Variants in GALNT13 observed in about 807,000 individuals in gnomAD.
GALNT13 encodes polypeptide N-acetylgalactosaminyltransferase 13, also known as UDP-GalNAc:polypeptide N-acetylgalactosaminyltransferase 13.
GALNT13 carries 28 observed loss-of-function variants against 64.2 expected under a neutral mutation model. That is an observed-to-expected ratio of 0.44 (90% CI 0.32 to 0.60). The LOEUF (loss-of-function observed/expected upper bound fraction) is 0.60, where lower values mean the gene tolerates loss of function less well. GALNT13 is among the 20% of genes least tolerant of loss of function. The pLI is 0.05. For missense variants in GALNT13, 577 were observed against 669.8 expected (o/e 0.86, Z 1.53); for synonymous variants, 214 against 224.6 (o/e 0.95, Z 0.42).
At chr2:153,841,676 A>G in the GALNT13 span, among the ~76,000 whole-genome samples, 1 of 152,162 alleles carries the variant, frequency 6.6e-6, no homozygotes, top group Admixed American at 6.6e-5. Flanking sequence ...CCCTACTCTC[A>G]TAATATTTAT....
the GALNT13 span, among the ~76,000 whole-genome samples, chr2:153,175,562 A>T: frequency 1.3e-5 from 2 of 152,154 alleles, no homozygotes; most frequent in Non-Finnish European, 2.9e-5. Context: ...AATGATTTGT[A>T]ATAATTTAAT....
At chr2:153,637,820 T>A in the GALNT13 span, among the ~76,000 whole-genome samples, 2 of 152,194 alleles carry the variant, frequency 1.3e-5, no homozygotes, top group Admixed American at 6.6e-5. Flanking sequence ...TCAAGTGTTG[T>A]AGAATCTCAC....
chr2:153,903,686 A>G (rs1216331434), intron 2 of GALNT13, among the ~76,000 whole-genome samples: 2 of 151,938 alleles, frequency 1.3e-5, no homozygotes, highest in Non-Finnish European at 2.9e-5. Context: ...GGTAGCAGCG[A>G]ATTTTAAATA....
At chr2:153,781,460 T>C in the GALNT13 span, among the ~76,000 whole-genome samples, 1 of 152,164 alleles carries the variant, frequency 6.6e-6, no homozygotes, top group African/African-American at 2.4e-5. Flanking sequence ...ATTTTCTTTC[T>C]AGTTGAGATG....
At chr2:153,976,961 C>T (rs946548495) in intron 3 of GALNT13, among the ~76,000 whole-genome samples, 82 of 152,046 alleles carry the variant, frequency 5.4e-4, no homozygotes, top group Admixed American at 2.4e-3. Flanking sequence ...ACTATACCTC[C>T]TCTAATAATA....
the GALNT13 span, among the ~76,000 whole-genome samples, chr2:153,431,806 T>C: frequency 2.0e-5 from 3 of 152,212 alleles, no homozygotes; most frequent in African/African-American, 7.2e-5. Flanking sequence ...TAAAAAGTAA[T>C]CAGTTACATG....
At chr2:153,459,192 A>T in the GALNT13 span, among the ~76,000 whole-genome samples, 4 of 152,226 alleles carry the variant, frequency 2.6e-5, no homozygotes, top group African/African-American at 9.6e-5. Flanking sequence ...ATATGTTGAA[A>T]AGAAAAACAG....
At chr2:154,130,079 C>T (rs1453197131) in intron 3 of GALNT13, among the ~76,000 whole-genome samples, 1 of 152,116 alleles carries the variant, frequency 6.6e-6, no homozygotes, top group East Asian at 1.9e-4. Flanking sequence ...CTAGCAGTTG[C>T]TAGCATATCG....
At chr2:153,914,350 T>C (rs1176273735) in intron 2 of GALNT13, among the ~76,000 whole-genome samples, 1 of 151,942 alleles carries the variant, frequency 6.6e-6, no homozygotes, top group East Asian at 1.9e-4. Flanking sequence ...TCGAGTGTGG[T>C]GGTGTGTGCC....
intron 9 of GALNT13, among the ~76,000 whole-genome samples, chr2:154,339,541 A>G: frequency 6.6e-6 from 1 of 152,156 alleles, no homozygotes; most frequent in Non-Finnish European, 1.5e-5. Context: ...GGAATTTTAA[A>G]ATGTAGTTCT....
At chr2:153,689,070 A>ATGTGTGTGTGTGTGTGTG in the GALNT13 span, among the ~76,000 whole-genome samples, 5 of 127,744 alleles carry the variant, frequency 3.9e-5, no homozygotes, top group African/African-American at 1.3e-4. Context: ...CCGCGTGTGT[A>ATGTGTGTGTGTGTGTGTG]TGTGTGTGTG....
the GALNT13 span, among the ~76,000 whole-genome samples, chr2:153,698,547 C>T: frequency 1.3e-5 from 2 of 152,152 alleles, no homozygotes; most frequent in African/African-American, 4.8e-5. Context: ...AGCTAACTAT[C>T]CTGAATATAT....
the GALNT13 span, among the ~76,000 whole-genome samples, chr2:153,515,703 G>A: frequency 0.013 from 2,027 of 152,240 alleles, 20 homozygotes; most frequent in Middle Eastern, 0.027. Context: ...TGCAGTTTAC[G>A]GGAAGTAGGG....
At chr2:153,355,103 A>T in the GALNT13 span, among the ~76,000 whole-genome samples, 1 of 152,204 alleles carries the variant, frequency 6.6e-6, no homozygotes, top group African/African-American at 2.4e-5. Context: ...ACAAAATATC[A>T]CGTTATTCAA....
chr2:153,497,522 ATTTTTTTTTTTTTTTTTTTTT>A, the GALNT13 span, among the ~76,000 whole-genome samples: 6 of 36,896 alleles, frequency 1.6e-4, no homozygotes, highest in East Asian at 3.1e-3. Flanking sequence ...TTTCTCCCGC[ATTTTTTTTTTTTTTTTTTTTT>A]TTTTTTTTTT....
the GALNT13 span, among the ~76,000 whole-genome samples, chr2:153,329,404 G>T: frequency 6.6e-6 from 1 of 152,308 alleles, no homozygotes; most frequent in East Asian, 1.9e-4. Context: ...CAGTGTATAA[G>T]AATTCCCTTT....
the GALNT13 span, among the ~76,000 whole-genome samples, chr2:153,315,708 A>G: frequency 6.6e-6 from 1 of 152,206 alleles, no homozygotes; most frequent in Non-Finnish European, 1.5e-5. Context: ...CATTCATGGA[A>G]CACTAAACCT....
chr2:153,143,305 A>G, the GALNT13 span, among the ~76,000 whole-genome samples: 3 of 152,040 alleles, frequency 2.0e-5, no homozygotes, highest in Non-Finnish European at 4.4e-5. Context: ...TAAAAAGGAA[A>G]AAATATACAC....
the GALNT13 span, among the ~76,000 whole-genome samples, chr2:153,382,906 G>A: frequency 6.6e-6 from 1 of 152,046 alleles, no homozygotes; most frequent in Non-Finnish European, 1.5e-5. Context: ...AAGAGGAATA[G>A]TTACAATTCC....
Sources: gnomAD v4.1 joint callset for allele counts (sites outside exome capture counted in the v4.1 genomes callset) on GRCh38, gnomAD v4.1.1 for gene constraint, MANE v1.5 for transcripts, NCBI Gene and HGNC (gene_info 2026-07-23, HGNC 2026-07-21) for gene names.